LDLRAP1: variants seen among roughly 807,000 people sequenced by gnomAD.
The protein encoded by LDLRAP1 is low density lipoprotein receptor adapter protein 1.
Under a neutral mutation model 37.8 loss-of-function variants are expected in LDLRAP1, and 30 were observed. That is an observed-to-expected ratio of 0.79 (90% CI 0.59 to 1.08). The LOEUF is 1.08. Among genes scored for constraint, LDLRAP1 ranks in the 50% least tolerant of loss-of-function variants. The pLI, the probability that LDLRAP1 is intolerant of heterozygous loss-of-function variation, is 0.00. For synonymous variants in LDLRAP1, 156 were observed against 169.8 expected (o/e 0.92, Z 0.63); for missense variants, 375 against 401.6 (o/e 0.93, Z 0.57).
the LDLRAP1 span, among the ~76,000 whole-genome samples, chr1:25,587,713 AAG>A: frequency 6.6e-6 from 1 of 152,072 alleles, no homozygotes; most frequent in Non-Finnish European, 1.5e-5. Flanking sequence ...CCAACCCGAG[AAG>A]AGAAAGAGTT....
In LDLRAP1 at chr1:25,563,670, C is replaced by G. The variant is rs141522360; in HGVS notation, c.626C>G (p.Thr209Ser). The change falls in exon 7 of 9, where the codon ACT (threonine) becomes AGT (serine). Residue 209 changes from threonine to serine, a missense_variant. Physicochemically the swap from Thr to Ser is moderately conservative, Grantham distance 58 (BLOSUM62 1). Transcript: ENST00000374338. ...CTPSLKSLVA[T>S]GNLLDLEETA... is the part of the protein sequence containing the mutation. The stretch of plus-strand genomic sequence containing the variant: ...ACCGGATCCCTCACAGTGGTCGCCA[C>G]TGGGAACCTGCTGGACTTAGAGGAG... 11 of 1,613,708 alleles carry G rather than the reference C, an allele frequency of 6.8e-6. 1 individual carries two copies. In the East Asian group the frequency reaches 2.0e-4, roughly 29 times the overall value.
In LDLRAP1 at chr1:25,566,960, G is replaced by A. The variant is rs756172640; in HGVS notation, c.895G>A (p.Gly299Ser). 69 of 1,613,532 alleles carry A rather than the reference G, an allele frequency of 4.3e-5. No individual in the cohort carries two copies. The highest frequency in any genetic ancestry group is 2.7e-4 in the South Asian group (25 of 91,084). The change falls in exon 9 of 9, where the codon GGC (glycine) becomes AGC (serine). Residue 299 changes from glycine (G) to serine (S), a missense_variant. Coordinates refer to ENST00000374338, the MANE Select transcript of LDLRAP1 (RefSeq NM_015627.3). ...PVDWDKPDSS[G>S]TEQDDLFSF ...CGACTGGGACAAGCCTGACAGCAGC[G>A]GCACAGAGCAGGATGACCTCTTCAG...
chr1:25,576,936 A>G, the LDLRAP1 span, among the ~76,000 whole-genome samples: 2 of 152,200 alleles, frequency 1.3e-5, no homozygotes, highest in Non-Finnish European at 2.9e-5. Flanking sequence ...AGGAGGAGCC[A>G]GCGGTGGGGT....
the LDLRAP1 span, among the ~76,000 whole-genome samples, chr1:25,578,384 A>G: frequency 2.6e-4 from 39 of 152,220 alleles, no homozygotes; most frequent in Non-Finnish European, 4.9e-4. Context: ...GAGGTTCGGT[A>G]GTGCAAAATC....
Position 25,557,122 on chromosome 1 carries a change from G to C in LDLRAP1, c.345-31G>C, listed in dbSNP as rs146180707. On this transcript the variant is annotated intron_variant, in intron 3 of 8. Coordinates refer to ENST00000374338, the MANE Select transcript of LDLRAP1 (RefSeq NM_015627.3). ...CACATGTGCTCAGGCCCCTGTGCCA[G>C]GTCTGGTGATGCTTCCTCCTTGCCT... 3,247 of 1,553,332 alleles carry C rather than the reference G, an allele frequency of 2.1e-3. 58 individuals are homozygous for C. The highest frequency in any genetic ancestry group is 3.8e-4 in the East Asian group (17 of 44,594).
chr1:25,574,771 G>A, the LDLRAP1 span, among the ~76,000 whole-genome samples: 5 of 152,208 alleles, frequency 3.3e-5, no homozygotes, highest in Non-Finnish European at 7.3e-5. Flanking sequence ...TATGTGCCAG[G>A]AGCGTGTAGA....
intron 8 of LDLRAP1, among the ~76,000 whole-genome samples, chr1:25,566,417 T>C (rs1199423371): frequency 6.6e-6 from 1 of 152,164 alleles, no homozygotes; most frequent in Non-Finnish European, 1.5e-5. Flanking sequence ...TCTCCCCTAT[T>C]CTTTTGGACA....
intron 1 of LDLRAP1, among the ~76,000 whole-genome samples, chr1:25,547,200 C>T (rs2043954949): frequency 6.6e-6 from 1 of 152,002 alleles, no homozygotes; most frequent in Admixed American, 6.6e-5. Context: ...AGCAAATTAC[C>T]AGCAGGGCGC....
At chr1:25,561,592 G>T (rs1178254081) in intron 4 of LDLRAP1, among the ~76,000 whole-genome samples, 2 of 152,286 alleles carry the variant, frequency 1.3e-5, no homozygotes, top group African/African-American at 4.8e-5. Context: ...TCAGAAGGAA[G>T]CTAGATGTTT....
At chr1:25,587,194 C>G in the LDLRAP1 span, among the ~76,000 whole-genome samples, 1 of 152,032 alleles carries the variant, frequency 6.6e-6, no homozygotes, top group Non-Finnish European at 1.5e-5. Flanking sequence ...CTCTGTCGCC[C>G]AGCCTGGAGT....
chr1:25,567,460 A>T lies in LDLRAP1; in HGVS notation c.*468A>T, dbSNP rs1418198174. 3.4e-6 allele frequency: 1 copy of T among 294,930 alleles called. No homozygotes were observed. 18.3% of individuals were successfully genotyped at this position (294,930 alleles called of 1,614,324 possible). On this transcript the variant is annotated 3_prime_UTR_variant, in exon 9 of 9. Transcript: ENST00000374338. Reference sequence around the variant, plus strand: ...GATTTTTCCCCCCACCCCCCAGCACAGGAGAGCACCCACAGCCGCAGAAGG... The same window carrying T: ...GATTTTTCCCCCCACCCCCCAGCACTGGAGAGCACCCACAGCCGCAGAAGG...
At chr1:25,577,035 G>A in the LDLRAP1 span, among the ~76,000 whole-genome samples, 11 of 152,294 alleles carry the variant, frequency 7.2e-5, no homozygotes, top group African/African-American at 2.6e-4. Context: ...ATGTTCCTGC[G>A]AGCGTGGCAG....
chr1:25,550,732 T>C (rs934018615), intron 1 of LDLRAP1, among the ~76,000 whole-genome samples: 33 of 151,978 alleles, frequency 2.2e-4, no homozygotes, highest in African/African-American at 8.0e-4. Context: ...TATCATCAAG[T>C]GAGGGGCTTG....
In LDLRAP1 at chr1:25,563,689, A is replaced by G. The variant is rs776681796; in HGVS notation, c.645A>G (p.Leu215=). The change falls in exon 7 of 9, where the codon TTA becomes TTG. Residue 215 remains leucine, a synonymous_variant. Transcript: ENST00000374338. The stretch of plus-strand genomic sequence containing the variant: ...TCGCCACTGGGAACCTGCTGGACTT[A>G]GAGGAGACAGCTAAGGCCCCGCTGT... ...SLVATGNLLD[L]EETAKAPLST... is the part of the protein sequence containing the mutation. 25 of 1,613,822 alleles carry G rather than the reference A, an allele frequency of 1.5e-5. No individual in the cohort carries two copies. The East Asian group carries it at 5.3e-4, about 35-fold the overall frequency.
chr1:25,568,650 C>CT lies in LDLRAP1; in HGVS notation c.*1659dup, dbSNP rs1470779982. ...GTAGCCACCTCCTTGGCACCGGCCT[C>CT]TATTTGTCATAAGGCGGCGTGGGCG... On this transcript the variant is annotated 3_prime_UTR_variant, in exon 9 of 9. Coordinates refer to ENST00000374338, the MANE Select transcript of LDLRAP1 (RefSeq NM_015627.3). 6.6e-6 allele frequency: 1 copy of CT among 152,268 alleles called. No individual in the cohort carries two copies. The highest frequency in any genetic ancestry group is 1.5e-5 in the Non-Finnish European group (1 of 68,078). 9.4% of individuals were successfully genotyped at this position (152,268 alleles called of 1,614,324 possible).
At chr1:25,584,957 A>G in the LDLRAP1 span, among the ~76,000 whole-genome samples, 1 of 152,098 alleles carries the variant, frequency 6.6e-6, no homozygotes, top group Non-Finnish European at 1.5e-5. Flanking sequence ...GAATGTTCTG[A>G]TCTCATCTGG....
chr1:25,562,828 T>C (rs888374010), intron 5 of LDLRAP1, 112 bp downstream of exon 5: 37 of 978,312 alleles, frequency 3.8e-5, no homozygotes, highest in African/African-American at 1.8e-4. Flanking sequence ...GGCTTGTGAC[T>C]GTGAGCAGGT....
At chr1:25,579,245 G>A in the LDLRAP1 span, among the ~76,000 whole-genome samples, 14 of 152,206 alleles carry the variant, frequency 9.2e-5, no homozygotes, top group African/African-American at 3.4e-4. Flanking sequence ...CCAGCCCTGA[G>A]AACAGCAGAG....
chr1:25,586,546 A>ATG, the LDLRAP1 span, among the ~76,000 whole-genome samples: 10 of 150,104 alleles, frequency 6.7e-5, no homozygotes, highest in South Asian at 2.1e-4. This position sits in a 1 kb window ranked among gnomAD's most constrained non-coding sequence, Gnocchi z 4.3. Flanking sequence ...GTATGTGTGC[A>ATG]TGTGTGTGTG....
Sources: gnomAD v4.1 joint callset for allele counts (sites outside exome capture counted in the v4.1 genomes callset) on GRCh38, gnomAD v4.1.1 for gene constraint, Gnocchi (gnomAD v3.1) non-coding constraint, MANE v1.5 for transcripts, NCBI Gene and HGNC (gene_info 2026-07-23, HGNC 2026-07-21) for gene names.